STOX2: variants seen among roughly 807,000 people sequenced by gnomAD.
The protein encoded by STOX2 is storkhead-box protein 2.
Under a neutral mutation model 60.9 loss-of-function variants are expected in STOX2, and 28 were observed. The observed-to-expected ratio is 0.46, with a 90% CI of 0.34 to 0.63. The LOEUF (loss-of-function observed/expected upper bound fraction) is 0.63. STOX2 is among the 30% of genes least tolerant of loss of function. The pLI is 0.01. For synonymous variants in STOX2, 472 were observed against 463.9 expected, an observed-to-expected ratio of 1.02 and a Z score of -0.22; for missense variants, 1,024 against 1,187.7, an observed-to-expected ratio of 0.86 and a Z score of 2.03.
At chr4:183,928,745 C>T (rs1186125722) in intron 1 of STOX2, among the ~76,000 whole-genome samples, 1 of 151,470 alleles carries the variant, frequency 6.6e-6, no homozygotes, top group Non-Finnish European at 1.5e-5. Flanking sequence ...GCAGAGGTTG[C>T]AGTGAGCCGA....
In STOX2 at chr4:184,009,537, G is replaced by C; in HGVS notation, c.699G>C (p.Gln233His). ...CTTACTGTCCCCCTTCTCTGTGCCA[G>C]GTGCCACCCACTGAAAAGAGCAAAA... ...KDPYCPPSLC[Q>H]VPPTEKSKST... Residue 233 changes from glutamine (Q) to histidine (H), a missense_variant, in exon 3 of 4, where the codon CAG (glutamine) becomes CAC (histidine). Coordinates refer to ENST00000308497, the MANE Select transcript of STOX2 (RefSeq NM_020225.3). The surrounding 1 kb of genome is among the most constrained non-coding windows in gnomAD (Gnocchi z 4.0). 1.2e-6 allele frequency: 2 copies of C among 1,614,002 alleles called. No individual in the cohort carries two copies. The highest frequency in any genetic ancestry group is 1.3e-5 in the African/African-American group (1 of 75,058).
chr4:183,801,593 A>G (rs1322640915), intron 1 of STOX2, among the ~76,000 whole-genome samples: 1 of 152,126 alleles, frequency 6.6e-6, no homozygotes, highest in African/African-American at 2.4e-5. Flanking sequence ...CCCAGGTATG[A>G]GGCTTGAACT....
At position 184,018,516 on chromosome 4, in the gene STOX2, G is replaced by A. The variant is rs1261553317; in HGVS notation, c.*1232G>A. The A allele has an allele frequency of 6.6e-6, 1 of 152,158 alleles. No individual in the cohort carries two copies. The highest frequency in any genetic ancestry group is 2.4e-5 in the African/African-American group (1 of 41,436). The allele number at this position is 152,158 out of a possible 1,614,324, so 9.4% of individuals were successfully genotyped here. On this transcript the variant is annotated 3_prime_UTR_variant, in exon 4 of 4. Transcript: ENST00000308497. ...TCATTCTGCTAGTGCGGTATAATCC[G>A]AATTTGTACTCCCCTAAAATTTATC...
chr4:183,958,291 A>G (rs1217669634), intron 1 of STOX2, among the ~76,000 whole-genome samples: 2 of 152,162 alleles, frequency 1.3e-5, no homozygotes, highest in East Asian at 1.9e-4. Context: ...AGAAATATAC[A>G]TATAAAATCA....
At chr4:183,980,314 C>T (rs1215743131) in intron 1 of STOX2, among the ~76,000 whole-genome samples, 1 of 152,100 alleles carries the variant, frequency 6.6e-6, no homozygotes, top group Non-Finnish European at 1.5e-5. Flanking sequence ...AGAGCAAAGC[C>T]CAAATAATGT....
At chr4:183,818,103 A>AT (rs547034310) in intron 1 of STOX2, among the ~76,000 whole-genome samples, 44 of 147,370 alleles carry the variant, frequency 3.0e-4, no homozygotes, top group African/African-American at 9.2e-4. Flanking sequence ...TTTTAGTATA[A>AT]TTTTTTTTTT....
At chr4:183,964,494 T>C (rs1379542417) in intron 1 of STOX2, among the ~76,000 whole-genome samples, 1 of 151,276 alleles carries the variant, frequency 6.6e-6, no homozygotes, top group African/African-American at 2.5e-5. Context: ...TTGTTACTTG[T>C]AGGTGGATTG....
intron 1 of STOX2, among the ~76,000 whole-genome samples, chr4:183,961,799 A>T (rs920018542): frequency 3.9e-5 from 6 of 152,252 alleles, no homozygotes; most frequent in African/African-American, 1.4e-4. Context: ...GTGATAGCAT[A>T]GCTAGGTTTT....
At position 183,950,021 on chromosome 4, in the gene STOX2, G is replaced by A. The variant is rs564239230; in HGVS notation, c.166+43065G>A. 2.0e-5 allele frequency among the ~76,000 whole-genome samples: 3 copies of A among 152,236 alleles called. No individual in the cohort carries two copies. The South Asian group carries it at 6.2e-4, about 32-fold the overall frequency. On this transcript the variant is annotated intron_variant, in intron 1 of 3. Coordinates refer to ENST00000308497, the MANE Select transcript of STOX2 (RefSeq NM_020225.3). ...TAAAAGTCATAAAGTTTTCATTTTAGGCATGTTCTTCTCACTATTGTACAG... is the reference window on the plus strand; with the variant it reads ...TAAAAGTCATAAAGTTTTCATTTTAAGCATGTTCTTCTCACTATTGTACAG...
At chr4:183,957,148 TATAATAATAATAATAATA>T (rs57935070) in intron 1 of STOX2, among the ~76,000 whole-genome samples, 3 of 142,760 alleles carry the variant, frequency 2.1e-5, no homozygotes, top group African/African-American at 7.7e-5. Context: ...AAACTTAAAG[TATAATAATAATAATAATA>T]ATAATAATAA....
At chr4:183,876,545 G>A (rs571890313) in intron 1 of STOX2, among the ~76,000 whole-genome samples, 2 of 152,364 alleles carry the variant, frequency 1.3e-5, no homozygotes, top group South Asian at 4.1e-4. Context: ...AGTTAGTCAT[G>A]TTGAGCCGGG....
intron 1 of STOX2, among the ~76,000 whole-genome samples, chr4:183,868,286 C>T (rs1022570328): frequency 6.6e-6 from 1 of 152,122 alleles, no homozygotes; most frequent in African/African-American, 2.4e-5. Flanking sequence ...CTAGGGCCAG[C>T]ACTGTGGCTC....
At chr4:183,870,087 A>G (rs1213506995) in intron 1 of STOX2, among the ~76,000 whole-genome samples, 1 of 152,232 alleles carries the variant, frequency 6.6e-6, no homozygotes, top group Non-Finnish European at 1.5e-5. Context: ...AATACATTTC[A>G]GTACTTACGA....
intron 1 of STOX2, among the ~76,000 whole-genome samples, chr4:183,828,170 T>C (rs1739478557): frequency 6.6e-6 from 1 of 152,232 alleles, no homozygotes; most frequent in Admixed American, 6.5e-5. Context: ...TGTGCCCATG[T>C]TTGCAAGGCA....
intron 1 of STOX2, among the ~76,000 whole-genome samples, chr4:183,854,049 A>G (rs1448774822): frequency 1.3e-5 from 2 of 152,200 alleles, no homozygotes; most frequent in Admixed American, 6.5e-5. Flanking sequence ...CCTTTACTAT[A>G]CCAGGCCTTC....
At chr4:183,971,260 G>A (rs1743733867) in intron 1 of STOX2, among the ~76,000 whole-genome samples, 1 of 152,220 alleles carries the variant, frequency 6.6e-6, no homozygotes, top group Non-Finnish European at 1.5e-5. Flanking sequence ...CTTCTCTGTT[G>A]TAATGCCCTC....
chr4:183,958,084 C>A (rs976892671), intron 1 of STOX2, among the ~76,000 whole-genome samples: 5 of 148,274 alleles, frequency 3.4e-5, no homozygotes, highest in Non-Finnish European at 7.4e-5. Context: ...AACCCAAGAT[C>A]GTGAATAAGG....
At chr4:183,909,760 G>A (rs1210712611) in intron 1 of STOX2, among the ~76,000 whole-genome samples, 3 of 151,752 alleles carry the variant, frequency 2.0e-5, no homozygotes, top group Non-Finnish European at 2.9e-5. Flanking sequence ...TTCTATAATA[G>A]CAAATGAGAC....
chr4:184,004,868 T>C (rs1469193017), intron 2 of STOX2, among the ~76,000 whole-genome samples: 2 of 152,244 alleles, frequency 1.3e-5, no homozygotes, highest in African/African-American at 4.8e-5. Context: ...CTGTTACAAC[T>C]GAATCTTTCT....
Sources: gnomAD v4.1 joint callset for allele counts (sites outside exome capture counted in the v4.1 genomes callset) on GRCh38, gnomAD v4.1.1 for gene constraint, Gnocchi (gnomAD v3.1) non-coding constraint, MANE v1.5 for transcripts, NCBI Gene and HGNC (gene_info 2026-07-23, HGNC 2026-07-21) for gene names.